The following PSD2 variants were observed in gnomAD, a reference collection of about 807,000 sequenced individuals.
PSD2 encodes the protein pleckstrin and Sec7 domain containing 2, also known as PH and SEC7 domain-containing protein 2.
In PSD2, 38 loss-of-function variants were observed where a neutral mutation model predicts 69.8. The ratio of observed to expected loss-of-function variants is 0.54; its 90% CI spans 0.42 to 0.71. The LOEUF (loss-of-function observed/expected upper bound fraction) is 0.71, where lower values mean the gene tolerates loss of function less well. Among genes scored for constraint, PSD2 ranks in the 30% least tolerant of loss-of-function variants. The pLI is 0.00. For missense variants in PSD2, 943 were observed against 1,014.5 expected, an observed-to-expected ratio of 0.93 and a Z score of 0.96; for synonymous variants, 412 against 423.0, an observed-to-expected ratio of 0.97 and a Z score of 0.32.
chr5:139,788,202 G>A, the PSD2 span, among the ~76,000 whole-genome samples: 1 of 137,968 alleles, frequency 7.2e-6, no homozygotes, highest in African/African-American at 2.7e-5. Flanking sequence ...CCCGTGCCCA[G>A]GCCTGGCCCG....
At chr5:139,766,546 G>T in the PSD2 span, among the ~76,000 whole-genome samples, 1 of 152,230 alleles carries the variant, frequency 6.6e-6, no homozygotes, top group South Asian at 2.1e-4. Flanking sequence ...GACTCTTGCA[G>T]TCTGTCCTGA....
the PSD2 span, among the ~76,000 whole-genome samples, chr5:139,762,749 G>T: frequency 6.6e-6 from 1 of 152,138 alleles, no homozygotes; most frequent in Non-Finnish European, 1.5e-5. Flanking sequence ...CCTCCCGGCA[G>T]ACCCCTCCCG....
At chr5:139,823,548 G>A (rs1760330951) in intron 7 of PSD2, among the ~76,000 whole-genome samples, 1 of 152,092 alleles carries the variant, frequency 6.6e-6, no homozygotes, top group Non-Finnish European at 1.5e-5. Flanking sequence ...AAAGAGCTGG[G>A]ATAGACCAAA....
the PSD2 span, among the ~76,000 whole-genome samples, chr5:139,789,517 G>A: frequency 4.3e-3 from 660 of 152,356 alleles, 4 homozygotes; most frequent in African/African-American, 0.013. Flanking sequence ...GGTCAAGGCT[G>A]TAGTGAGCCG....
chr5:139,822,867 C>A, intron 7 of PSD2, 83 bp downstream of exon 7: 1 of 1,249,948 alleles, frequency 8.0e-7, no homozygotes, highest in Non-Finnish European at 1.1e-6. Context: ...CCTGAGATCT[C>A]TTACTCAGTG....
the PSD2 span, among the ~76,000 whole-genome samples, chr5:139,762,697 T>C: frequency 1.3e-5 from 2 of 152,248 alleles, no homozygotes; most frequent in African/African-American, 4.8e-5. Context: ...AGGAGGGTCA[T>C]CTACCCTGCA....
chr5:139,816,746 G>A (rs1760130585), intron 4 of PSD2, among the ~76,000 whole-genome samples: 2 of 152,344 alleles, frequency 1.3e-5, no homozygotes, highest in African/African-American at 2.4e-5. Flanking sequence ...TCGCTCCTGG[G>A]TTCCCACCCC....
the PSD2 span, among the ~76,000 whole-genome samples, chr5:139,755,085 C>T: frequency 6.6e-6 from 1 of 152,166 alleles, no homozygotes; most frequent in Admixed American, 6.5e-5. Flanking sequence ...ATTTTATAGA[C>T]GAACAAAACT....
rs1760748999 is a variant in PSD2 at position 139,837,215 on chromosome 5, G to A, written c.1642G>A (p.Gly548Arg). 6.2e-7 allele frequency: 1 copy of A among 1,614,020 alleles called. No individual in the cohort carries two copies. The highest frequency in any genetic ancestry group is 1.7e-5 in the Admixed American group (1 of 60,030). The change falls in exon 11 of 15, where the codon GGG becomes AGG. Residue 548 changes from glycine to arginine, a missense_variant. By Grantham distance (125) the Gly-to-Arg change is moderately radical. This residue lies in a region of PSD2 where 312 missense variants were observed against 400.7 expected (regional missense o/e 0.78). Transcript: ENST00000274710. The surrounding 1 kb of genome is among the most constrained non-coding windows in gnomAD (Gnocchi z 5.0). ...GAAGAAATTCTACGCAGTGCTCAAAGGGACCATCCTGTACCTGCAGAAGGT... is the reference window on the plus strand; with the variant it reads ...GAAGAAATTCTACGCAGTGCTCAAAAGGACCATCCTGTACCTGCAGAAGGT... ...GWKKFYAVLK[G>R]TILYLQKDEY...
In PSD2 at chr5:139,843,756, G is replaced by A. The variant is rs137942358; in HGVS notation, c.*1282G>A. 5.3e-5 allele frequency: 8 copies of A among 152,336 alleles called. No homozygotes were observed. Among genetic ancestry groups the A allele is most frequent in the East Asian group, 1.9e-4 (1 of 5,186 alleles). The allele number at this position is 152,336 out of a possible 1,614,324, so 9.4% of individuals were successfully genotyped here. A position where few individuals can be genotyped will look rare whatever the true frequency, so the allele number is the denominator to read the frequency against. On this transcript the variant is annotated 3_prime_UTR_variant, in exon 15 of 15. Transcript: ENST00000274710. The stretch of plus-strand genomic sequence containing the variant: ...GAGAAATTTGCCACTTGACGATCAC[G>A]GATTAGCTAGCACCTTTAAGCCCTG...
intron 9 of PSD2, among the ~76,000 whole-genome samples, 173 bp downstream of exon 9, chr5:139,835,939 C>T (rs1333557197): frequency 6.6e-6 from 1 of 152,192 alleles, no homozygotes; most frequent in Non-Finnish European, 1.5e-5. Context: ...CCTTTGGATT[C>T]ATTTTCTGTA....
rs1760829802 is a variant in PSD2 at position 139,839,920 on chromosome 5, T to C, written c.1969-107T>C. The C allele has an allele frequency of 3.0e-5, 39 of 1,285,956 alleles. No individual in the cohort carries two copies. Among genetic ancestry groups the C allele is most frequent in the Non-Finnish European group, 4.2e-5 (38 of 905,034 alleles). 79.7% of individuals were successfully genotyped at this position (1,285,956 alleles called of 1,614,324 possible). On this transcript the variant is annotated intron_variant, in intron 13 of 14. Coordinates refer to ENST00000274710, the MANE Select transcript of PSD2 (RefSeq NM_032289.4). This position sits in a 1 kb window ranked among gnomAD's most constrained non-coding sequence, Gnocchi z 5.1. ...GTCCCCACATTTTGGTGATGCTGGCTAGGCCTTCATTTCCCTTTGGTGGAG... is the reference window on the plus strand; with the variant it reads ...GTCCCCACATTTTGGTGATGCTGGCCAGGCCTTCATTTCCCTTTGGTGGAG...
chr5:139,821,051 A>G (rs183594587), intron 5 of PSD2, among the ~76,000 whole-genome samples: 146 of 151,694 alleles, frequency 9.6e-4, no homozygotes, highest in African/African-American at 3.3e-3. Flanking sequence ...TCTTGCCTCA[A>G]CCTCCTGAGT....
chr5:139,755,665 G>C, the PSD2 span, among the ~76,000 whole-genome samples: 1 of 151,286 alleles, frequency 6.6e-6, no homozygotes, highest in African/African-American at 2.4e-5. Flanking sequence ...GTGTGTGTGT[G>C]TGCGCGCGCA....
At chr5:139,816,464 G>A (rs1036243839) in intron 4 of PSD2, among the ~76,000 whole-genome samples, 8 of 152,162 alleles carry the variant, frequency 5.3e-5, no homozygotes, top group Non-Finnish European at 1.2e-4. Flanking sequence ...CTTAAGTGCC[G>A]TGTATTTGTT....
At chr5:139,824,173 G>T (rs1392642566) in intron 7 of PSD2, among the ~76,000 whole-genome samples, 2 of 152,136 alleles carry the variant, frequency 1.3e-5, no homozygotes, top group Non-Finnish European at 2.9e-5. Flanking sequence ...CCCACCCCTG[G>T]CTGGGCCTCC....
the PSD2 span, among the ~76,000 whole-genome samples, chr5:139,787,561 T>G: frequency 6.6e-6 from 1 of 152,170 alleles, no homozygotes; most frequent in South Asian, 2.1e-4. Context: ...ACAACCAGCG[T>G]TTGTTGGTGT....
chr5:139,816,064 C>T (rs996428746), intron 4 of PSD2, among the ~76,000 whole-genome samples: 1 of 151,272 alleles, frequency 6.6e-6, no homozygotes, highest in African/African-American at 2.4e-5. Context: ...TATCAAACCT[C>T]TATATGCCCA....
chr5:139,804,924 CGT>C (rs1350620774), intron 1 of PSD2, among the ~76,000 whole-genome samples: 4 of 147,036 alleles, frequency 2.7e-5, no homozygotes, highest in East Asian at 2.0e-4. Context: ...TGTCTGTGAA[CGT>C]GTGTGTGCAT....
Sources: allele counts gnomAD v4.1 joint callset (sites outside exome capture counted in the v4.1 genomes callset), GRCh38; gene constraint gnomAD v4.1.1; regional missense constraint gnomAD v4.1.1; non-coding constraint Gnocchi (gnomAD v3.1); transcripts MANE v1.5; gene names NCBI Gene and HGNC (gene_info 2026-07-23, HGNC 2026-07-21).